Variants in JAZF1 observed in about 807,000 individuals in gnomAD.
JAZF1 encodes juxtaposed with another zinc finger protein 1.
A neutral mutation model predicts 26.4 loss-of-function variants in JAZF1; 8 were observed. The ratio of observed to expected loss-of-function variants is 0.30; its 90% CI spans 0.18 to 0.55. The LOEUF (loss-of-function observed/expected upper bound fraction) is 0.55. JAZF1 is among the 20% of genes least tolerant of loss of function. The pLI, the probability that JAZF1 is intolerant of heterozygous loss-of-function variation, is 0.94. For synonymous variants in JAZF1, 126 were observed against 122.3 expected (o/e 1.03, Z -0.20); for missense variants, 199 against 322.0 (o/e 0.62, Z 2.92).
intron 3 of JAZF1, among the ~76,000 whole-genome samples, chr7:27,868,718 T>C (rs560722639): frequency 6.6e-6 from 1 of 152,306 alleles, no homozygotes; most frequent in East Asian, 1.9e-4. Context: ...GGTACCCAAG[T>C]CAAACTGCCA....
At chr7:27,903,954 T>C (rs774821878) in intron 2 of JAZF1, among the ~76,000 whole-genome samples, 7 of 152,198 alleles carry the variant, frequency 4.6e-5, no homozygotes, top group Non-Finnish European at 1.0e-4. Flanking sequence ...AGAAAAGCTG[T>C]GGGGAGTTGG....
chr7:27,836,887 G>T (rs943331609), intron 4 of JAZF1, among the ~76,000 whole-genome samples: 1 of 152,026 alleles, frequency 6.6e-6, no homozygotes, highest in African/African-American at 2.4e-5. Flanking sequence ...CACAGAAGAG[G>T]ATAAAAAAGA....
intron 2 of JAZF1, among the ~76,000 whole-genome samples, chr7:27,934,989 T>G (rs1784745262): frequency 6.6e-6 from 1 of 152,182 alleles, no homozygotes; most frequent in South Asian, 2.1e-4. Context: ...TAAAAAGAAC[T>G]CTTACAACTC....
chr7:28,001,283 T>G (rs1420524061), intron 1 of JAZF1, among the ~76,000 whole-genome samples: 1 of 151,816 alleles, frequency 6.6e-6, no homozygotes, highest in African/African-American at 2.4e-5. Flanking sequence ...ACACGGGAGA[T>G]AGAGGTTGCA....
At chr7:28,021,214 G>A (rs1047671668) in intron 1 of JAZF1, among the ~76,000 whole-genome samples, 3 of 152,182 alleles carry the variant, frequency 2.0e-5, no homozygotes, top group Admixed American at 2.0e-4. Flanking sequence ...ACTCCCATGG[G>A]AGAGCAGCAT....
intron 1 of JAZF1, among the ~76,000 whole-genome samples, chr7:28,111,971 C>T (rs997918460): frequency 1.3e-5 from 2 of 152,168 alleles, no homozygotes; most frequent in African/African-American, 4.8e-5. Flanking sequence ...TATTATGGTG[C>T]TATACCAACA....
intron 1 of JAZF1, among the ~76,000 whole-genome samples, chr7:28,054,104 A>C (rs1441950003): frequency 6.6e-6 from 1 of 152,214 alleles, no homozygotes; most frequent in African/African-American, 2.4e-5. Context: ...CAAACCAATT[A>C]GTGAAGTAGA....
Position 27,994,942 on chromosome 7 carries a change from CAA to C in JAZF1, c.116-2963_116-2962del, listed in dbSNP as rs529201881. On this transcript the variant is annotated intron_variant, in intron 1 of 4. Transcript: ENST00000283928. ...TCTCCACAGGATAGGAGGAGAGAGA[CAA>C]GAGAGTATGATTTTCAGAGCAGGAC... is the stretch of plus-strand genomic sequence containing the variant. Among the ~76,000 whole-genome samples the C allele has an allele frequency of 9.5e-4, 145 of 152,252 alleles. 1 individual carries two copies. Among genetic ancestry groups the C allele is most frequent in the African/African-American group, 3.3e-3 (139 of 41,544 alleles).
At chr7:27,957,080 C>T (rs1583480088) in intron 2 of JAZF1, among the ~76,000 whole-genome samples, 1 of 152,170 alleles carries the variant, frequency 6.6e-6, no homozygotes, top group Non-Finnish European at 1.5e-5. Flanking sequence ...TCCCTCCCTT[C>T]CCCCAGTGGC....
intron 1 of JAZF1, among the ~76,000 whole-genome samples, chr7:28,139,133 C>T (rs1290038191): frequency 1.3e-5 from 2 of 152,142 alleles, no homozygotes; most frequent in Non-Finnish European, 2.9e-5. Flanking sequence ...GATTTTGTCA[C>T]AAAACACTGA....
At chr7:28,005,614 C>A (rs1437774101) in intron 1 of JAZF1, among the ~76,000 whole-genome samples, 1 of 152,190 alleles carries the variant, frequency 6.6e-6, no homozygotes, top group East Asian at 1.9e-4. Flanking sequence ...GCCAGGAACA[C>A]AGTGTTCAGG....
chr7:28,118,792 A>AC (rs57963092), intron 1 of JAZF1, among the ~76,000 whole-genome samples: 46 of 139,172 alleles, frequency 3.3e-4, no homozygotes, highest in African/African-American at 9.7e-4. Flanking sequence ...ACACACACAC[A>AC]ACACACACAC....
intron 4 of JAZF1, among the ~76,000 whole-genome samples, chr7:27,833,342 C>A (rs544201503): frequency 6.6e-6 from 1 of 152,348 alleles, no homozygotes; most frequent in East Asian, 1.9e-4. Context: ...ACACAAATAT[C>A]CTCAGCATGA....
At chr7:27,851,900 G>A (rs902851582) in intron 3 of JAZF1, among the ~76,000 whole-genome samples, 2 of 149,278 alleles carry the variant, frequency 1.3e-5, no homozygotes, top group African/African-American at 4.9e-5. Flanking sequence ...TGTGTGTTCT[G>A]AGTTATGGAC....
intron 3 of JAZF1, among the ~76,000 whole-genome samples, chr7:27,866,471 G>A (rs530895710): frequency 6.6e-6 from 1 of 152,302 alleles, no homozygotes; most frequent in South Asian, 2.1e-4. Flanking sequence ...TTCCTCATCT[G>A]TAAAATGGAA....
chr7:27,881,606 G>A (rs1783773503), intron 3 of JAZF1, among the ~76,000 whole-genome samples: 1 of 152,084 alleles, frequency 6.6e-6, no homozygotes, highest in South Asian at 2.1e-4. Flanking sequence ...AAAAGGGTGG[G>A]GGCCTGCTCA....
At chr7:28,142,243 G>A (rs1378448636) in intron 1 of JAZF1, among the ~76,000 whole-genome samples, 3 of 152,220 alleles carry the variant, frequency 2.0e-5, no homozygotes, top group African/African-American at 7.2e-5. Flanking sequence ...CATCCTCAGA[G>A]ACTCTGATGT....
chr7:27,898,310 G>GTTT (rs1784106538), intron 2 of JAZF1, among the ~76,000 whole-genome samples: 1 of 16,090 alleles, frequency 6.2e-5, no homozygotes, highest in African/African-American at 2.1e-4. Context: ...TATATACATC[G>GTTT]GTTTTTTTTT....
intron 2 of JAZF1, among the ~76,000 whole-genome samples, chr7:27,986,616 T>A (rs895978054): frequency 5.3e-5 from 8 of 151,882 alleles, no homozygotes; most frequent in African/African-American, 1.9e-4. Flanking sequence ...AAAACTACTT[T>A]GAAGTTCATA....
Sources: allele counts gnomAD v4.1 joint callset (sites outside exome capture counted in the v4.1 genomes callset), GRCh38; gene constraint gnomAD v4.1.1; transcripts MANE v1.5; gene names NCBI Gene and HGNC (gene_info 2026-07-23, HGNC 2026-07-21).